The following TBCD variants were observed in gnomAD, a reference collection of about 807,000 sequenced individuals.
The protein encoded by TBCD is tubulin-specific chaperone D.
TBCD carries 105 observed loss-of-function variants against 169.3 expected under a neutral mutation model. The ratio of observed to expected loss-of-function variants is 0.62; its 90% CI spans 0.53 to 0.73. The LOEUF (loss-of-function observed/expected upper bound fraction) is 0.73, where lower values mean the gene tolerates loss of function less well. Ranked by LOEUF, TBCD falls within the 30% of genes least tolerant of loss-of-function variation. The pLI is 0.00. For missense variants in TBCD, 1,444 were observed against 1,600.1 expected, an observed-to-expected ratio of 0.90 and a Z score of 1.66; for synonymous variants, 700 against 643.9, an observed-to-expected ratio of 1.09 and a Z score of -1.32.
chr17:82,941,913 A>C, intron 38 of TBCD: 1 of 213,980 alleles, frequency 4.7e-6, no homozygotes, highest in Non-Finnish European at 9.2e-6. Context: ...CTAAAGTAAC[A>C]AAAACAAGTA....
chr17:82,831,211 G>C lies in TBCD; in HGVS notation c.1318+16277G>C, dbSNP rs974034003. 3.1e-6 allele frequency: 5 copies of C among 1,613,990 alleles called. No individual in the cohort carries two copies. The highest frequency in any genetic ancestry group is 1.7e-4 in the Middle Eastern group (1 of 6,060). On this transcript the variant is annotated intron_variant, in intron 13 of 38. Transcript: ENST00000355528. The surrounding 1 kb of genome is among the most constrained non-coding windows in gnomAD (Gnocchi z 4.6). ...CGTCTGCATGAAGTCGGTGGGGCTC[G>C]GCCTCCCTGGGGAGCCCGTGGCTGC...
At chr17:82,937,386 AGAC>A in intron 35 of TBCD, 26 bp downstream of exon 35, 1 of 1,608,458 alleles carries the variant, frequency 6.2e-7, no homozygotes, top group Non-Finnish European at 8.5e-7. Flanking sequence ...TGCTGGCCTT[AGAC>A]GGAATGGCAG....
chr17:82,873,348 C>G (rs891907786), intron 14 of TBCD, among the ~76,000 whole-genome samples: 1 of 152,114 alleles, frequency 6.6e-6, no homozygotes, highest in African/African-American at 2.4e-5. Context: ...GAGACGAAAC[C>G]TCCACTCACC....
chr17:82,812,126 C>CT lies in TBCD; in HGVS notation c.1223+2345dup, dbSNP rs139088366. Reference sequence around the variant, plus strand: ...CTAGGAAGTAGCGCCAGACCCCAGGCTGTGGCAGAAGCAGGGTGCCTTGGA... The same window carrying CT: ...CTAGGAAGTAGCGCCAGACCCCAGGCTTGTGGCAGAAGCAGGGTGCCTTGGA... On this transcript the variant is annotated intron_variant, in intron 12 of 38. Coordinates refer to ENST00000355528, the MANE Select transcript of TBCD (RefSeq NM_005993.5). 8.3e-3 allele frequency among the ~76,000 whole-genome samples: 1,267 copies of CT among 152,224 alleles called. 20 individuals carry two copies. Among genetic ancestry groups the CT allele is most frequent in the African/African-American group, 0.029 (1,187 of 41,528 alleles).
chr17:82,873,532 C>T (rs1480934590), intron 14 of TBCD, among the ~76,000 whole-genome samples: 1 of 152,222 alleles, frequency 6.6e-6, no homozygotes, highest in African/African-American at 2.4e-5. Context: ...AATCAAGTCC[C>T]CGCTACTGGA....
chr17:82,804,084 G>A lies in TBCD; in HGVS notation c.951-1791G>A, dbSNP rs1485870835. On this transcript the variant is annotated intron_variant, in intron 9 of 38. Coordinates refer to ENST00000355528, the MANE Select transcript of TBCD (RefSeq NM_005993.5). ...ACCTGCCTGTAGAGTTTAGGGGAGA[G>A]TGGGGGCTGGGGTGCACCTGCCTGT... Among the ~76,000 whole-genome samples, 3 of 133,584 alleles carry A rather than the reference G, an allele frequency of 2.2e-5. No homozygotes were observed. The Admixed American group carries it at 2.3e-4, about 10-fold the overall frequency. The allele number at this position is 133,584 out of a possible 152,430, so 87.6% of individuals were successfully genotyped here.
chr17:82,793,269 C>T (rs1054703344), intron 7 of TBCD, among the ~76,000 whole-genome samples: 14 of 152,110 alleles, frequency 9.2e-5, no homozygotes, highest in Admixed American at 2.6e-4. Context: ...GCATTTTGCT[C>T]GCTCCTGGGG....
intron 33 of TBCD, 34 bp from the exon 34 acceptor site, chr17:82,932,624 G>A: frequency 6.3e-7 from 1 of 1,596,734 alleles, no homozygotes; most frequent in Non-Finnish European, 8.6e-7. Flanking sequence ...CTTGTTGCTG[G>A]TGTCCAGGGT....
chr17:82,903,293 T>C lies in TBCD; in HGVS notation c.1731-112T>C, dbSNP rs948654830. 5.0e-5 allele frequency: 48 copies of C among 968,770 alleles called. No homozygotes were observed. The highest frequency in any genetic ancestry group is 7.3e-5 in the Non-Finnish European group (46 of 630,236). The allele number at this position is 968,770 out of a possible 1,614,324, so 60.0% of individuals were successfully genotyped here. A position where few individuals can be genotyped will look rare whatever the true frequency, so the allele number is the denominator to read the frequency against. The stretch of plus-strand genomic sequence containing the variant: ...TGTGAGTGAGTGAGTGAGCCTCTGC[T>C]AAGTGGCCGGTTGAGGACTCGTGTG... On this transcript the variant is annotated intron_variant, in intron 18 of 38. Transcript: ENST00000355528. The surrounding 1 kb of genome is among the most constrained non-coding windows in gnomAD (Gnocchi z 4.8).
chr17:82,862,180 C>A (rs2056828402), intron 13 of TBCD, among the ~76,000 whole-genome samples: 1 of 152,180 alleles, frequency 6.6e-6, no homozygotes, highest in Admixed American at 6.5e-5. Flanking sequence ...CCTCAGCCTC[C>A]CAAAGTGCTG....
intron 12 of TBCD, among the ~76,000 whole-genome samples, chr17:82,811,889 A>T (rs945648762): frequency 1.3e-5 from 2 of 152,114 alleles, no homozygotes; most frequent in African/African-American, 4.8e-5. Context: ...CATTAATTAT[A>T]TTAACTGTAA....
chr17:82,849,976 C>T (rs372540643), intron 13 of TBCD, among the ~76,000 whole-genome samples: 9,393 of 69,632 alleles, frequency 0.13, 287 homozygotes, highest in African/African-American at 0.22. Flanking sequence ...GGCTGTGCTG[C>T]TGTTGGCTGT....
In TBCD at chr17:82,809,744, G is replaced by C. The variant is rs2051289141; in HGVS notation, c.1185G>C (p.Leu395=). 3 of 1,613,622 alleles carry C rather than the reference G, an allele frequency of 1.9e-6. No homozygotes were observed. In the African/African-American group the frequency reaches 4.0e-5, roughly 22 times the overall value. ...GRMAGRLPRA[L]ADDVVGSVLD... ...TGGCTGGCAGGCTTCCCAGAGCCCT[G>C]GCGGATGATGTGGTCGGGTCTGTGC... Residue 395 remains leucine, a synonymous_variant, in exon 12 of 39, where the codon CTG becomes CTC. Transcript: ENST00000355528.
intron 37 of TBCD, 110 bp downstream of exon 37, chr17:82,939,586 AG>A: frequency 1.2e-6 from 1 of 843,436 alleles, no homozygotes; most frequent in Middle Eastern, 2.2e-4. Flanking sequence ...AGGAGGAAAG[AG>A]GGTTCCCAGG....
chr17:82,929,667 C>A, intron 32 of TBCD, 167 bp downstream of exon 32: 1 of 946,282 alleles, frequency 1.1e-6, no homozygotes. Flanking sequence ...TCCTCATGAC[C>A]CAGGAGGCTT....
intron 14 of TBCD, among the ~76,000 whole-genome samples, chr17:82,876,466 C>T (rs1307337968): frequency 1.3e-5 from 2 of 152,084 alleles, no homozygotes; most frequent in Admixed American, 6.5e-5. Flanking sequence ...CCACGTGGGA[C>T]GTTGGGTGTC....
intron 5 of TBCD, among the ~76,000 whole-genome samples, chr17:82,770,418 G>A (rs1306142675): frequency 6.6e-6 from 1 of 151,850 alleles, no homozygotes; most frequent in Non-Finnish European, 1.5e-5. Context: ...TGACCAACAT[G>A]GAGAAACCTT....
chr17:82,897,449 C>G (rs961486389), intron 17 of TBCD, among the ~76,000 whole-genome samples: 1 of 145,894 alleles, frequency 6.9e-6, no homozygotes, highest in African/African-American at 2.5e-5. Flanking sequence ...TCCCGGGAGG[C>G]GGAGGTTACA....
chr17:82,930,586 T>A lies in TBCD; in HGVS notation c.3056T>A (p.Leu1019Gln). Reference protein sequence around the residue: ...MKGIQSDPQALGSFSGTLLQI... With the variant: ...MKGIQSDPQAQGSFSGTLLQI... ...GGCATTCAGAGCGACCCGCAGGCCC[T>A]GGGCAGCTTCAGCGGGACCCTTCTG... is the stretch of plus-strand genomic sequence containing the variant. The change falls in exon 33 of 39, where the codon CTG becomes CAG. Residue 1019 changes from leucine (L) to glutamine (Q), a missense_variant. Coordinates refer to ENST00000355528, the MANE Select transcript of TBCD (RefSeq NM_005993.5). The surrounding 1 kb of genome is among the most constrained non-coding windows in gnomAD (Gnocchi z 5.2). The A allele has an allele frequency of 6.2e-7, 1 of 1,613,932 alleles. No individual in the cohort carries two copies. The highest frequency in any genetic ancestry group is 8.5e-7 in the Non-Finnish European group (1 of 1,179,862).
Sources: gnomAD v4.1 joint callset for allele counts (sites outside exome capture counted in the v4.1 genomes callset) on GRCh38, gnomAD v4.1.1 for gene constraint, Gnocchi (gnomAD v3.1) non-coding constraint, MANE v1.5 for transcripts, NCBI Gene and HGNC (gene_info 2026-07-23, HGNC 2026-07-21) for gene names.